The following LRMDA variants were observed in gnomAD, a reference collection of about 807,000 sequenced individuals.
The protein encoded by LRMDA is leucine-rich melanocyte differentiation-associated protein.
LRMDA carries 18 observed loss-of-function variants against 29.8 expected under a neutral mutation model. That is an observed-to-expected ratio of 0.60 (90% CI 0.42 to 0.90). The LOEUF (loss-of-function observed/expected upper bound fraction) is 0.90, where lower values mean the gene tolerates loss of function less well. LRMDA is among the 40% of genes least tolerant of loss of function. The pLI is 0.00. For synonymous variants in LRMDA, 125 were observed against 109.4 expected (o/e 1.14, Z -0.89); for missense variants, 273 against 273.9 (o/e 1.00, Z 0.02).
At chr10:76,407,400 C>A (rs892160527) in intron 6 of LRMDA, among the ~76,000 whole-genome samples, 2 of 152,166 alleles carry the variant, frequency 1.3e-5, no homozygotes, top group Non-Finnish European at 2.9e-5. Flanking sequence ...AGTTGGAACA[C>A]ACAATCTGTA....
intron 2 of LRMDA, among the ~76,000 whole-genome samples, chr10:75,876,453 A>G (rs989991825): frequency 1.3e-5 from 2 of 152,176 alleles, no homozygotes; most frequent in African/African-American, 4.8e-5. Flanking sequence ...CGCGGGAGCT[A>G]TCTTAAGGTA....
intron 2 of LRMDA, among the ~76,000 whole-genome samples, chr10:75,812,576 A>G (rs552753600): frequency 1.3e-5 from 2 of 152,298 alleles, no homozygotes; most frequent in South Asian, 4.2e-4. Context: ...ATAAACAGGT[A>G]TTTATGATCT....
intron 6 of LRMDA, among the ~76,000 whole-genome samples, chr10:76,387,499 AG>A (rs1467777042): frequency 6.6e-6 from 1 of 151,984 alleles, no homozygotes; most frequent in Non-Finnish European, 1.5e-5. Flanking sequence ...GCTACTTGGA[AG>A]GCTGAGGCAG....
chr10:76,120,373 A>T (rs1169505230), intron 5 of LRMDA, among the ~76,000 whole-genome samples: 1 of 151,786 alleles, frequency 6.6e-6, no homozygotes, highest in African/African-American at 2.4e-5. Flanking sequence ...ATTTTAGCGG[A>T]GACAGGATTT....
At chr10:76,364,523 G>A (rs1241571133) in intron 6 of LRMDA, among the ~76,000 whole-genome samples, 2 of 151,964 alleles carry the variant, frequency 1.3e-5, no homozygotes, top group Non-Finnish European at 2.9e-5. Flanking sequence ...AAATTTCCAG[G>A]GAATTTTTCC....
At chr10:75,735,942 T>A (rs1025261446) in intron 2 of LRMDA, among the ~76,000 whole-genome samples, 2 of 152,146 alleles carry the variant, frequency 1.3e-5, no homozygotes, top group African/African-American at 4.8e-5. Flanking sequence ...ACTTTAATTA[T>A]GAACTTTTTA....
At chr10:76,012,508 A>G (rs1016639858) in intron 2 of LRMDA, among the ~76,000 whole-genome samples, 1 of 152,004 alleles carries the variant, frequency 6.6e-6, no homozygotes, top group Non-Finnish European at 1.5e-5. Context: ...AAACTTTAAT[A>G]AGATGGTTCT....
chr10:76,463,917 A>ATTTTTTTTTTTTTTT (rs763472626), intron 6 of LRMDA, among the ~76,000 whole-genome samples: 52 of 112,872 alleles, frequency 4.6e-4, no homozygotes, highest in East Asian at 1.2e-3. Context: ...TGCAAAATAA[A>ATTTTTTTTTTTTTTT]TTTTTTTTTT....
intron 6 of LRMDA, among the ~76,000 whole-genome samples, chr10:76,507,123 A>G (rs1422934895): frequency 1.3e-5 from 2 of 151,588 alleles, no homozygotes; most frequent in African/African-American, 4.8e-5. Context: ...TGTCTTTTTG[A>G]TAATAGCCAT....
At chr10:75,696,670 G>A (rs1473787106) in intron 2 of LRMDA, among the ~76,000 whole-genome samples, 1 of 152,166 alleles carries the variant, frequency 6.6e-6, no homozygotes, top group Non-Finnish European at 1.5e-5. Flanking sequence ...TTTTACAGAT[G>A]AGGAAATAAA....
chr10:76,313,674 G>A (rs1840657012), intron 5 of LRMDA, among the ~76,000 whole-genome samples: 1 of 151,974 alleles, frequency 6.6e-6, no homozygotes, highest in Admixed American at 6.5e-5. Context: ...CAAGTCTCTG[G>A]GAAAAAAAGT....
intron 2 of LRMDA, among the ~76,000 whole-genome samples, chr10:75,942,240 C>G (rs930024063): frequency 6.6e-6 from 1 of 152,112 alleles, no homozygotes; most frequent in Non-Finnish European, 1.5e-5. Flanking sequence ...TATGACCCAG[C>G]TAAGTGGTGA....
At chr10:76,470,333 A>G (rs1842605226) in intron 6 of LRMDA, 1 of 152,092 alleles carries the variant, frequency 6.6e-6, no homozygotes, top group African/African-American at 2.4e-5. Flanking sequence ...CCCTTAACTA[A>G]TTTAAAAAGC....
intron 2 of LRMDA, among the ~76,000 whole-genome samples, chr10:75,956,801 C>A (rs1247121356): frequency 6.6e-6 from 1 of 152,200 alleles, no homozygotes; most frequent in African/African-American, 2.4e-5. Context: ...CATCAACTTG[C>A]ACACAGCACT....
In LRMDA at chr10:75,566,760, T is replaced by G. The variant is rs142751408; in HGVS notation, c.131+128266T>G. Among the ~76,000 whole-genome samples, 1,328 of 152,304 alleles carry G rather than the reference T, an allele frequency of 8.7e-3. 44 individuals are homozygous for G. Among genetic ancestry groups the G allele is most frequent in the Non-Finnish European group, 4.8e-3 (329 of 68,028 alleles). The stretch of plus-strand genomic sequence containing the variant: ...CTTTGTCTTCAGCCCCACTTTCTCT[T>G]TCTCCCAAGGTCCAGTTCCACTGTT... On this transcript the variant is annotated intron_variant, in intron 2 of 6. Coordinates refer to ENST00000611255, the MANE Select transcript of LRMDA (RefSeq NM_001305581.2).
chr10:75,494,165 G>T (rs901052786), intron 2 of LRMDA, among the ~76,000 whole-genome samples: 11 of 152,244 alleles, frequency 7.2e-5, no homozygotes, highest in Non-Finnish European at 1.5e-4. Context: ...AATTAATGAT[G>T]AATCCATGTT....
intron 2 of LRMDA, among the ~76,000 whole-genome samples, chr10:75,851,662 AAAT>A (rs1214254585): frequency 6.6e-6 from 1 of 152,240 alleles, no homozygotes; most frequent in Non-Finnish European, 1.5e-5. Context: ...CCATCAGCAT[AAAT>A]AATGAGTGAA....
chr10:76,211,989 A>G (rs1210712623), intron 5 of LRMDA, among the ~76,000 whole-genome samples: 1 of 152,120 alleles, frequency 6.6e-6, no homozygotes, highest in Non-Finnish European at 1.5e-5. Context: ...TCTACATCCT[A>G]CAAGTCACCA....
intron 2 of LRMDA, among the ~76,000 whole-genome samples, chr10:75,699,417 C>G (rs1024530198): frequency 6.6e-6 from 1 of 152,122 alleles, no homozygotes; most frequent in African/African-American, 2.4e-5. Context: ...GGTGTGTTAT[C>G]TATAAAAACA....
Sources: allele counts gnomAD v4.1 joint callset (sites outside exome capture counted in the v4.1 genomes callset), GRCh38; gene constraint gnomAD v4.1.1; transcripts MANE v1.5; gene names NCBI Gene and HGNC (gene_info 2026-07-23, HGNC 2026-07-21).